Variants in NCAM2 observed in about 807,000 individuals in gnomAD.
The protein encoded by NCAM2 is neural cell adhesion molecule 2, also known as N-CAM-2.
Under a neutral mutation model 98.1 loss-of-function variants are expected in NCAM2, and 30 were observed. That is an observed-to-expected ratio of 0.31 (90% CI 0.23 to 0.41). NCAM2 has a LOEUF of 0.41. Ranked by LOEUF, NCAM2 falls within the 10% of genes least tolerant of loss-of-function variation. The pLI, the probability that NCAM2 is intolerant of heterozygous loss-of-function variation, is 1.00. For missense variants in NCAM2, 867 were observed against 1,005.8 expected, an observed-to-expected ratio of 0.86 and a Z score of 1.87; for synonymous variants, 368 against 342.4, an observed-to-expected ratio of 1.07 and a Z score of -0.83.
intron 4 of NCAM2, among the ~76,000 whole-genome samples, chr21:21,291,098 T>C (rs2073275293): frequency 6.6e-6 from 1 of 151,772 alleles, no homozygotes; most frequent in Non-Finnish European, 1.5e-5. Context: ...TACCTTAAAA[T>C]AATCACCTTT....
At chr21:21,377,762 C>G (rs2076065253) in intron 9 of NCAM2, among the ~76,000 whole-genome samples, 1 of 151,888 alleles carries the variant, frequency 6.6e-6, no homozygotes, top group Admixed American at 6.6e-5. Context: ...TCCAGCTATG[C>G]AATAACTCTC....
At chr21:21,239,148 T>C (rs563529052) in intron 1 of NCAM2, among the ~76,000 whole-genome samples, 1 of 152,348 alleles carries the variant, frequency 6.6e-6, no homozygotes, top group South Asian at 2.1e-4. Flanking sequence ...TAAACATTTA[T>C]GCAAACAGCA....
intron 1 of NCAM2, among the ~76,000 whole-genome samples, chr21:21,176,626 A>T (rs1422965649): frequency 6.6e-6 from 1 of 152,082 alleles, no homozygotes; most frequent in Non-Finnish European, 1.5e-5. Context: ...TTGAGGGAGA[A>T]ATTAATAACA....
intron 9 of NCAM2, among the ~76,000 whole-genome samples, chr21:21,376,824 A>G (rs2076042491): frequency 6.6e-6 from 1 of 151,792 alleles, no homozygotes; most frequent in South Asian, 2.1e-4. Context: ...CCAGAAAATT[A>G]TGTAGTTTAG....
At chr21:21,158,840 A>G (rs914874600) in intron 1 of NCAM2, among the ~76,000 whole-genome samples, 4 of 152,172 alleles carry the variant, frequency 2.6e-5, no homozygotes, top group Non-Finnish European at 1.5e-5. Flanking sequence ...TCTAGTTATT[A>G]CTGTATGCTT....
intron 10 of NCAM2, among the ~76,000 whole-genome samples, chr21:21,413,209 A>G (rs1318717248): frequency 6.6e-6 from 1 of 152,174 alleles, no homozygotes; most frequent in Non-Finnish European, 1.5e-5. Flanking sequence ...CAAACATTGA[A>G]AGAAGGATTG....
intron 1 of NCAM2, among the ~76,000 whole-genome samples, chr21:21,250,698 A>G (rs2071437944): frequency 6.6e-6 from 1 of 152,216 alleles, no homozygotes; most frequent in Non-Finnish European, 1.5e-5. Context: ...CATTTCTACT[A>G]GTCACACTAT....
At chr21:21,097,109 C>G (rs1451196583) in intron 1 of NCAM2, among the ~76,000 whole-genome samples, 3 of 151,684 alleles carry the variant, frequency 2.0e-5, no homozygotes, top group Non-Finnish European at 4.4e-5. Context: ...GTAAACATCA[C>G]GTGGGTTTTT....
intron 9 of NCAM2, among the ~76,000 whole-genome samples, chr21:21,404,235 A>G (rs1254732201): frequency 6.6e-6 from 1 of 152,192 alleles, no homozygotes; most frequent in African/African-American, 2.4e-5. Flanking sequence ...TGTGTAAACA[A>G]TATCAACATA....
rs117988253 is a variant in NCAM2 at position 21,261,144 on chromosome 21, A to G, written c.56-19434A>G. On this transcript the variant is annotated intron_variant, in intron 1 of 17. Coordinates refer to ENST00000400546, the MANE Select transcript of NCAM2 (RefSeq NM_004540.5). ...TAGTGATAAAGGTTTCAATTCAACA[A>G]GAAGATTTAACTGTCCTAGATATGT... is the stretch of plus-strand genomic sequence containing the variant. 3.4e-3 allele frequency among the ~76,000 whole-genome samples: 512 copies of G among 152,296 alleles called. 17 individuals carry two copies. In the East Asian group the frequency reaches 0.082, roughly 25 times the overall value.
At position 21,487,307 on chromosome 21, in the gene NCAM2, A is replaced by G. The variant is rs183998697; in HGVS notation, c.2077+9836A>G. ...GGCTTTACTATTATTTCATCTGTCT[A>G]CCCATCTAAGTAAATGTGATTACTG... On this transcript the variant is annotated intron_variant, in intron 15 of 17. Coordinates refer to ENST00000400546, the MANE Select transcript of NCAM2 (RefSeq NM_004540.5). 4.6e-5 allele frequency among the ~76,000 whole-genome samples: 7 copies of G among 152,192 alleles called. No individual in the cohort carries two copies. The East Asian group carries it at 1.4e-3, about 29-fold the overall frequency.
chr21:21,471,234 T>G (rs1341388666), intron 14 of NCAM2, among the ~76,000 whole-genome samples: 1 of 152,036 alleles, frequency 6.6e-6, no homozygotes, highest in Non-Finnish European at 1.5e-5. Context: ...CCTTCTAGTT[T>G]CATCATTAAA....
At position 21,026,815 on chromosome 21, in the gene NCAM2, A is replaced by C. The variant is rs1302963117; in HGVS notation, c.55+28197A>C. Among the ~76,000 whole-genome samples, 4 of 150,738 alleles carry C rather than the reference A, an allele frequency of 2.7e-5. No homozygotes were observed. The East Asian group carries it at 7.8e-4, about 29-fold the overall frequency. On this transcript the variant is annotated intron_variant, in intron 1 of 17. Coordinates refer to ENST00000400546, the MANE Select transcript of NCAM2 (RefSeq NM_004540.5). Reference sequence around the variant, plus strand: ...TTCACCATTTTCTTAATCCTATATGAGATTTTTAACCATGGCAAATGTTTT... The same window carrying C: ...TTCACCATTTTCTTAATCCTATATGCGATTTTTAACCATGGCAAATGTTTT...
chr21:21,070,335 A>G (rs1164044659), intron 1 of NCAM2, among the ~76,000 whole-genome samples: 1 of 151,192 alleles, frequency 6.6e-6, no homozygotes, highest in African/African-American at 2.4e-5. Flanking sequence ...CATGGCACAA[A>G]TAGAAGATAG....
At chr21:21,168,002 A>C (rs2146824127) in intron 1 of NCAM2, among the ~76,000 whole-genome samples, 1 of 152,240 alleles carries the variant, frequency 6.6e-6, no homozygotes, top group East Asian at 1.9e-4. Context: ...AGATATTATA[A>C]GAAAAAAAAC....
At chr21:21,183,079 T>C (rs1180524809) in intron 1 of NCAM2, among the ~76,000 whole-genome samples, 1 of 152,166 alleles carries the variant, frequency 6.6e-6, no homozygotes, top group Non-Finnish European at 1.5e-5. Flanking sequence ...TAAAATATGG[T>C]ATGGGAATAA....
chr21:21,268,288 G>C (rs1460582039), intron 1 of NCAM2, among the ~76,000 whole-genome samples: 2 of 152,174 alleles, frequency 1.3e-5, no homozygotes, highest in Non-Finnish European at 2.9e-5. Context: ...CTCACAGCAA[G>C]TCTAATGACT....
intron 2 of NCAM2, among the ~76,000 whole-genome samples, chr21:21,283,988 C>T (rs571867845): frequency 6.6e-6 from 1 of 152,010 alleles, no homozygotes; most frequent in South Asian, 2.1e-4. Flanking sequence ...CTTACTCAAG[C>T]GTGAATCTTC....
intron 1 of NCAM2, among the ~76,000 whole-genome samples, chr21:21,005,932 T>C (rs1307030290): frequency 6.6e-6 from 1 of 152,196 alleles, no homozygotes; most frequent in African/African-American, 2.4e-5. Flanking sequence ...TGAGCACCTC[T>C]TCTATGCCAG....
Sources: gnomAD v4.1 joint callset for allele counts (sites outside exome capture counted in the v4.1 genomes callset) on GRCh38, gnomAD v4.1.1 for gene constraint, MANE v1.5 for transcripts, NCBI Gene and HGNC (gene_info 2026-07-23, HGNC 2026-07-21) for gene names.